SIMC1: variants seen among roughly 807,000 people sequenced by gnomAD.
The protein encoded by SIMC1 is SUMO-interacting motif-containing protein 1.
SIMC1 carries 55 observed loss-of-function variants against 82.3 expected under a neutral mutation model. The observed-to-expected ratio is 0.67, with a 90% confidence interval of 0.54 to 0.84. SIMC1 has a LOEUF of 0.84. Ranked by LOEUF, SIMC1 falls within the 40% of genes least tolerant of loss-of-function variation. The pLI, the probability that SIMC1 is intolerant of heterozygous loss-of-function variation, is 0.00. For synonymous variants in SIMC1, 353 were observed against 426.3 expected (o/e 0.83, Z 2.12); for missense variants, 915 against 1,107.2 (o/e 0.83, Z 2.46).
intron 5 of SIMC1, among the ~76,000 whole-genome samples, chr5:176,318,683 G>A (rs937798067): frequency 2.6e-5 from 4 of 152,176 alleles, no homozygotes; most frequent in Non-Finnish European, 5.9e-5. Flanking sequence ...GTTTGTCTGC[G>A]AATGTCTTTA....
At chr5:176,300,467 C>T (rs1485334330) in intron 4 of SIMC1, among the ~76,000 whole-genome samples, 3 of 141,962 alleles carry the variant, frequency 2.1e-5, no homozygotes, top group Non-Finnish European at 3.1e-5. Flanking sequence ...AACAAGCATG[C>T]GTCACCATAC....
chr5:176,322,978 C>A (rs150751971), intron 6 of SIMC1, among the ~76,000 whole-genome samples: 1 of 152,006 alleles, frequency 6.6e-6, no homozygotes, highest in Non-Finnish European at 1.5e-5. Context: ...TGAGAGATGC[C>A]GGGAGATTAG....
intron 1 of SIMC1, among the ~76,000 whole-genome samples, chr5:176,254,167 A>G (rs1161982424): frequency 1.3e-5 from 2 of 152,274 alleles, no homozygotes; most frequent in East Asian, 1.9e-4. Context: ...GATGTTGCCA[A>G]GGTCACCCAC....
intron 1 of SIMC1, among the ~76,000 whole-genome samples, chr5:176,276,592 C>G (rs184874483): frequency 9.2e-6 from 1 of 109,224 alleles, no homozygotes; most frequent in Non-Finnish European, 1.8e-5. Context: ...TGCTATCCCT[C>G]CCCCCTCCCC....
At chr5:176,322,604 A>G (rs1216101950) in intron 6 of SIMC1, 179 bp downstream of exon 6, 51 of 757,986 alleles carry the variant, frequency 6.7e-5, no homozygotes, top group Non-Finnish European at 6.6e-5. Flanking sequence ...GCAGAACAAA[A>G]CCAGGTGCTT....
chr5:176,296,437 G>T (rs1249089694), intron 4 of SIMC1, 117 bp downstream of exon 4: 21 of 1,549,712 alleles, frequency 1.4e-5, no homozygotes, highest in East Asian at 1.2e-4. Flanking sequence ...GCCGAGGCAG[G>T]AGGACAGTTT....
Position 176,333,489 on chromosome 5 carries a change from T to C in SIMC1, c.2172-3231T>C, listed in dbSNP as rs573202659. On this transcript the variant is annotated intron_variant, in intron 7 of 9. Coordinates refer to ENST00000429602, the MANE Select transcript of SIMC1 (RefSeq NM_001308195.2). ...TGTCGCCCAGACTGGAGTCCAGTGG[T>C]GCAATCTAAGCTCACCGCAACCTCT... Among the ~76,000 whole-genome samples, 22 of 151,742 alleles carry C rather than the reference T, an allele frequency of 1.4e-4. No individual in the cohort carries two copies. In the South Asian group the frequency reaches 4.4e-3, roughly 30 times the overall value.
chr5:176,300,905 A>G (rs1467335558), intron 4 of SIMC1, among the ~76,000 whole-genome samples: 2 of 152,200 alleles, frequency 1.3e-5, no homozygotes, highest in African/African-American at 4.8e-5. Context: ...AAGAAATAAA[A>G]AATCTGAACA....
At chr5:176,262,279 TAAAAAA>T (rs58312244) in intron 1 of SIMC1, among the ~76,000 whole-genome samples, 23 of 133,890 alleles carry the variant, frequency 1.7e-4, no homozygotes, top group Non-Finnish European at 2.1e-4. Context: ...ATTCATGATT[TAAAAAA>T]AAAAAAAAAA....
intron 1 of SIMC1, chr5:176,270,266 T>C (rs1762368493): frequency 6.6e-6 from 1 of 152,154 alleles, no homozygotes; most frequent in Non-Finnish European, 1.5e-5. Context: ...CAAAATGTAA[T>C]AGCTCTTCCC....
At chr5:176,306,338 G>A (rs946008501) in intron 4 of SIMC1, among the ~76,000 whole-genome samples, 1 of 140,514 alleles carries the variant, frequency 7.1e-6, no homozygotes, top group Non-Finnish European at 1.6e-5. Flanking sequence ...GGAGGTGAGG[G>A]GCACCTCTGC....
At chr5:176,313,242 C>A in intron 4 of SIMC1, 1 of 1,355,192 alleles carries the variant, frequency 7.4e-7, no homozygotes, top group African/African-American at 1.5e-5. Context: ...CATTAAAGAA[C>A]CAGTTTCTCT....
intron 7 of SIMC1, among the ~76,000 whole-genome samples, chr5:176,335,353 T>G (rs889979406): frequency 2.8e-5 from 4 of 145,252 alleles, no homozygotes; most frequent in Non-Finnish European, 6.0e-5. Flanking sequence ...CTTGGCTCAC[T>G]GCAACCTCGG....
At chr5:176,326,885 A>G (rs1004543047) in intron 7 of SIMC1, among the ~76,000 whole-genome samples, 1 of 152,182 alleles carries the variant, frequency 6.6e-6, no homozygotes, top group Non-Finnish European at 1.5e-5. Context: ...TATTTAATGA[A>G]TAAGAAAAGC....
At chr5:176,342,978 GTGC>G (rs1766217908) in intron 9 of SIMC1, among the ~76,000 whole-genome samples, 1 of 152,168 alleles carries the variant, frequency 6.6e-6, no homozygotes, top group South Asian at 2.1e-4. Flanking sequence ...CAGTAAATGT[GTGC>G]TGTTTGAAGG....
At chr5:176,328,642 A>G (rs916033255) in intron 7 of SIMC1, among the ~76,000 whole-genome samples, 2 of 152,220 alleles carry the variant, frequency 1.3e-5, no homozygotes, top group African/African-American at 4.8e-5. Flanking sequence ...CATAAATTTA[A>G]TGTTTTACAT....
chr5:176,334,436 A>G (rs1421402796), intron 7 of SIMC1, among the ~76,000 whole-genome samples: 1 of 152,194 alleles, frequency 6.6e-6, no homozygotes, highest in Non-Finnish European at 1.5e-5. Flanking sequence ...CTGAATGTCC[A>G]GGATATTCAG....
intron 1 of SIMC1, among the ~76,000 whole-genome samples, chr5:176,251,416 G>A (rs557463662): frequency 7.2e-5 from 11 of 152,190 alleles, no homozygotes; most frequent in African/African-American, 1.9e-4. Context: ...GGCTGGTACC[G>A]GTTTTTCCTT....
intron 4 of SIMC1, among the ~76,000 whole-genome samples, chr5:176,299,864 C>T (rs114412499): frequency 2.0e-5 from 3 of 152,156 alleles, no homozygotes; most frequent in Non-Finnish European, 4.4e-5. Flanking sequence ...TCCAGATAGA[C>T]CACATGTTGG....
Sources: allele counts gnomAD v4.1 joint callset (sites outside exome capture counted in the v4.1 genomes callset), GRCh38; gene constraint gnomAD v4.1.1; transcripts MANE v1.5; gene names NCBI Gene and HGNC (gene_info 2026-07-23, HGNC 2026-07-21).